SPTBN4: variants seen among roughly 807,000 people sequenced by gnomAD.
SPTBN4 encodes the protein spectrin beta chain, non-erythrocytic 4.
SPTBN4 carries 96 observed loss-of-function variants against 277.8 expected under a neutral mutation model. The ratio of observed to expected loss-of-function variants is 0.35; its 90% CI spans 0.29 to 0.41. The LOEUF is 0.41. Among genes scored for constraint, SPTBN4 ranks in the 10% least tolerant of loss-of-function variants. The pLI, the probability that SPTBN4 is intolerant of heterozygous loss-of-function variation, is 1.00. For missense variants in SPTBN4, 3,006 were observed against 3,595.7 expected (o/e 0.84, Z 4.19); for synonymous variants, 1,481 against 1,580.3 (o/e 0.94, Z 1.49).
intron 33 of SPTBN4, chr19:40,571,487 A>T (rs1451808002): frequency 6.6e-6 from 1 of 152,570 alleles, no homozygotes; most frequent in African/African-American, 2.4e-5. Context: ...GAGTCCCAAG[A>T]TATGAAGTGG....
At chr19:40,485,860 C>T (rs1288613888) in intron 2 of SPTBN4, among the ~76,000 whole-genome samples, 1 of 151,812 alleles carries the variant, frequency 6.6e-6, no homozygotes, top group East Asian at 1.9e-4. Context: ...AATGACGTTT[C>T]TCCAAAGATA....
chr19:40,486,784 C>T (rs2080077055), intron 2 of SPTBN4, among the ~76,000 whole-genome samples: 1 of 152,102 alleles, frequency 6.6e-6, no homozygotes, highest in African/African-American at 2.4e-5. Context: ...TGTATTTATC[C>T]GTGTCCTCTC....
Position 40,515,679 on chromosome 19 carries a change from T to A in SPTBN4, c.2903+231T>A, listed in dbSNP as rs2080445788. On this transcript the variant is annotated intron_variant, in intron 15 of 35. Transcript: ENST00000598249. The surrounding 1 kb of genome is among the most constrained non-coding windows in gnomAD (Gnocchi z 4.1). Reference sequence around the variant, plus strand: ...TTGTCCAGAAAGAATGTATTGGATATCTACAATCTGCCAGGAGTATTCCCA... The same window carrying A: ...TTGTCCAGAAAGAATGTATTGGATAACTACAATCTGCCAGGAGTATTCCCA... Among the ~76,000 whole-genome samples, 1 of 152,152 alleles carries A rather than the reference T, an allele frequency of 6.6e-6. No individual in the cohort carries two copies. Among genetic ancestry groups the A allele is most frequent in the South Asian group, 2.1e-4 (1 of 4,836 alleles).
chr19:40,507,332 A>T (rs759558377), intron 13 of SPTBN4, among the ~76,000 whole-genome samples: 5 of 151,702 alleles, frequency 3.3e-5, no homozygotes, highest in Admixed American at 6.6e-5. Context: ...AATAAAATAA[A>T]AAAAAAAAAA....
At chr19:40,566,982 A>C (rs2081098589) in intron 30 of SPTBN4, 2 of 300,708 alleles carry the variant, frequency 6.7e-6, no homozygotes, top group South Asian at 2.5e-5. Context: ...ATAAAAAAAA[A>C]ACAACAAAAA....
chr19:40,559,499 A>G (rs2081020118), intron 26 of SPTBN4, among the ~76,000 whole-genome samples: 1 of 152,162 alleles, frequency 6.6e-6, no homozygotes, highest in African/African-American at 2.4e-5. Context: ...ACATATATGT[A>G]TATATCCTGA....
At chr19:40,469,042 G>T (rs2079855797) in intron 1 of SPTBN4, among the ~76,000 whole-genome samples, 1 of 151,948 alleles carries the variant, frequency 6.6e-6, no homozygotes, top group African/African-American at 2.4e-5. Context: ...GAGGCTACAG[G>T]GAGCTATGAT....
intron 2 of SPTBN4, among the ~76,000 whole-genome samples, chr19:40,483,419 C>A (rs2080034572): frequency 6.6e-6 from 1 of 152,106 alleles, no homozygotes; most frequent in African/African-American, 2.4e-5. Flanking sequence ...TATGTACCCA[C>A]TAAAATTAAA....
At chr19:40,507,056 C>T (rs1019077988) in intron 13 of SPTBN4, among the ~76,000 whole-genome samples, 2 of 152,088 alleles carry the variant, frequency 1.3e-5, no homozygotes, top group Non-Finnish European at 2.9e-5. Context: ...GATAGAAACT[C>T]AGTTCAAATG....
At chr19:40,571,946 C>T in intron 33 of SPTBN4, 73 bp from the exon 34 acceptor site, 1 of 1,470,034 alleles carries the variant, frequency 6.8e-7, no homozygotes, top group Non-Finnish European at 9.0e-7. Flanking sequence ...ATATTCAGAC[C>T]TTGAGGATGT....
Position 40,529,044 on chromosome 19 carries a change from C to A in SPTBN4, c.3861C>A (p.Asn1287Lys), listed in dbSNP as rs1223838505. Residue 1287 changes from asparagine (N) to lysine (K), a missense_variant, in exon 18 of 36, where the codon AAC becomes AAA. Around this residue, in one of 5 missense-constraint regions of SPTBN4, gnomAD observed 1,759 missense variants for 2,061.5 expected, o/e 0.85. Coordinates refer to ENST00000598249, the MANE Select transcript of SPTBN4 (RefSeq NM_020971.3). ...GCCCTTATCTCCCCATCCCCAGGAA[C>A]CAAGAAAACCAGTTACGGGCCCAGC... ...QEAVTRLLEK[N>K]QENQLRAQQW... is the part of the protein sequence containing the mutation. 6.2e-7 allele frequency: 1 copy of A among 1,613,840 alleles called. No individual in the cohort carries two copies. Among genetic ancestry groups the A allele is most frequent in the Admixed American group, 1.7e-5 (1 of 59,998 alleles).
At chr19:40,476,713 G>C (rs906966150) in intron 2 of SPTBN4, among the ~76,000 whole-genome samples, 1 of 151,848 alleles carries the variant, frequency 6.6e-6, no homozygotes, top group Non-Finnish European at 1.5e-5. Context: ...TCAGCCTCCC[G>C]AGTAGCTAGG....
chr19:40,556,426 G>A (rs1020473981), intron 25 of SPTBN4, 138 bp downstream of exon 25: 38 of 739,108 alleles, frequency 5.1e-5, no homozygotes, highest in African/African-American at 1.8e-4. Context: ...TTAATATAAC[G>A]TAAAGCACTG....
chr19:40,485,111 G>A lies in SPTBN4; in HGVS notation c.170-2586G>A, dbSNP rs192579334. 3.4e-4 allele frequency among the ~76,000 whole-genome samples: 51 copies of A among 151,904 alleles called. 1 individual carries two copies. In the East Asian group the frequency reaches 8.6e-3, roughly 26 times the overall value. ...ACCTGCCTCAGCCTCCCAAAGTGCT[G>A]GGATTACAGGCGTGAGCCACCGTGC... On this transcript the variant is annotated intron_variant, in intron 2 of 35. Coordinates refer to ENST00000598249, the MANE Select transcript of SPTBN4 (RefSeq NM_020971.3).
In SPTBN4 at chr19:40,550,335, G is replaced by T; in HGVS notation, c.4674+8G>T. On this transcript the variant is annotated splice_region_variant and intron_variant, in intron 22 of 35. Transcript: ENST00000598249. ...CACATCAAAAAGAACCAGGTGAGCAGAGCCAGGTGAGGGAGCGAGTTAGGA... is the reference window on the plus strand; with the variant it reads ...CACATCAAAAAGAACCAGGTGAGCATAGCCAGGTGAGGGAGCGAGTTAGGA... 1 of 1,605,842 alleles carries T rather than the reference G, an allele frequency of 6.2e-7. No homozygotes were observed. The highest frequency in any genetic ancestry group is 8.5e-7 in the Non-Finnish European group (1 of 1,179,888).
chr19:40,539,568 C>G (rs2080775350), intron 20 of SPTBN4, among the ~76,000 whole-genome samples: 1 of 152,222 alleles, frequency 6.6e-6, no homozygotes, highest in Admixed American at 6.5e-5. Context: ...CCTCCGCCTC[C>G]TGGCTTCAAG....
Position 40,502,694 on chromosome 19 carries a change from A to G in SPTBN4, c.1204-81A>G, listed in dbSNP as rs1468782798. 1.3e-6 allele frequency: 2 copies of G among 1,552,236 alleles called. No individual in the cohort carries two copies. The highest frequency in any genetic ancestry group is 3.9e-5 in the Admixed American group (2 of 51,226). ...ATTTGCATGAAGTTGCCATAATGCTATGAGTGACCTCAGACTAAGTCAAGA... is the reference window on the plus strand; with the variant it reads ...ATTTGCATGAAGTTGCCATAATGCTGTGAGTGACCTCAGACTAAGTCAAGA... On this transcript the variant is annotated intron_variant, in intron 10 of 35. Transcript: ENST00000598249. The surrounding 1 kb of genome is among the most constrained non-coding windows in gnomAD (Gnocchi z 4.9).
At chr19:40,564,389 A>T (rs1017105106) in intron 27 of SPTBN4, among the ~76,000 whole-genome samples, 4 of 152,198 alleles carry the variant, frequency 2.6e-5, no homozygotes, top group Admixed American at 2.0e-4. Context: ...ACTCCACAAA[A>T]TCTGGTGTGC....
At chr19:40,518,037 G>A (rs755556696) in intron 15 of SPTBN4, among the ~76,000 whole-genome samples, 2 of 152,218 alleles carry the variant, frequency 1.3e-5, no homozygotes, top group African/African-American at 2.4e-5. Context: ...AGGGCATGGT[G>A]GCTCACGCCT....
Sources: allele counts gnomAD v4.1 joint callset (sites outside exome capture counted in the v4.1 genomes callset), GRCh38; gene constraint gnomAD v4.1.1; regional missense constraint gnomAD v4.1.1; non-coding constraint Gnocchi (gnomAD v3.1); transcripts MANE v1.5; gene names NCBI Gene and HGNC (gene_info 2026-07-23, HGNC 2026-07-21).